The following MYOM1 variants were observed in gnomAD, a reference collection of about 807,000 sequenced individuals.
The protein encoded by MYOM1 is myomesin 1.
Under a neutral mutation model 205.3 loss-of-function variants are expected in MYOM1, and 164 were observed. The ratio of observed to expected loss-of-function variants is 0.80; its 90% confidence interval spans 0.70 to 0.91. The LOEUF (loss-of-function observed/expected upper bound fraction) is 0.91, where lower values mean the gene tolerates loss of function less well. Among genes scored for constraint, MYOM1 ranks in the 40% least tolerant of loss-of-function variants. The pLI is 0.00. For missense variants in MYOM1, 2,011 were observed against 2,127.3 expected, an observed-to-expected ratio of 0.95 and a Z score of 1.08; for synonymous variants, 772 against 789.4, an observed-to-expected ratio of 0.98 and a Z score of 0.37.
chr18:3,118,222 C>T (rs1255563268), intron 20 of MYOM1, among the ~76,000 whole-genome samples: 2 of 152,202 alleles, frequency 1.3e-5, no homozygotes, highest in East Asian at 1.9e-4. Flanking sequence ...GTGAGACTTG[C>T]TTTACACTAC....
chr18:3,159,321 C>T (rs1366641493), intron 10 of MYOM1, among the ~76,000 whole-genome samples: 3 of 152,142 alleles, frequency 2.0e-5, no homozygotes, highest in South Asian at 2.1e-4. Context: ...ATACACTGAT[C>T]GTTCTGGTGT....
chr18:3,229,724 C>G, the MYOM1 span, among the ~76,000 whole-genome samples: 2 of 152,254 alleles, frequency 1.3e-5, no homozygotes. Context: ...AATCCCAGCA[C>G]TTTGGGAGGT....
intron 36 of MYOM1, 86 bp from the exon 37 acceptor site, chr18:3,071,975 C>A: frequency 8.6e-7 from 1 of 1,165,204 alleles, no homozygotes; most frequent in South Asian, 1.3e-5. Flanking sequence ...GCTACATTTC[C>A]AATTTAGTTT....
chr18:3,121,780 A>C (rs1196600145), intron 19 of MYOM1, among the ~76,000 whole-genome samples: 1 of 152,220 alleles, frequency 6.6e-6, no homozygotes, highest in Non-Finnish European at 1.5e-5. Flanking sequence ...AAATTGAACA[A>C]CTTTTAAAAA....
At chr18:3,122,914 A>G (rs773583143) in intron 19 of MYOM1, among the ~76,000 whole-genome samples, 6 of 152,248 alleles carry the variant, frequency 3.9e-5, no homozygotes, top group Non-Finnish European at 8.8e-5. Flanking sequence ...CACACAATAC[A>G]GTATTTAATG....
At chr18:3,226,971 G>T in the MYOM1 span, among the ~76,000 whole-genome samples, 2,035 of 152,300 alleles carry the variant, frequency 0.013, 20 homozygotes, top group Middle Eastern at 0.027. The surrounding 1 kb of genome is among the most constrained non-coding windows in gnomAD (Gnocchi z 4.6). Context: ...GAGCTGGTGG[G>T]TAGATTCTGG....
At chr18:3,136,485 G>C (rs1380974519) in intron 14 of MYOM1, among the ~76,000 whole-genome samples, 1 of 151,944 alleles carries the variant, frequency 6.6e-6, no homozygotes, top group Admixed American at 6.6e-5. Flanking sequence ...GAGTACAGTG[G>C]CACAATCACG....
Position 3,141,982 on chromosome 18 carries a change from G to C in MYOM1, c.1982C>G (p.Pro661Arg). The change falls in exon 14 of 38, where the codon CCT (proline) becomes CGT (arginine). Residue 661 changes from proline (P) to arginine (R), a missense_variant. Transcript: ENST00000356443. ...RSYVVLSWKP[P>R]GQRGHEGIMY... The stretch of plus-strand genomic sequence containing the variant: ...AATGCCCTCATGACCACGCTGGCCA[G>C]GGGGCTTCCAGCTGAGCACCACATA... 6.2e-7 allele frequency: 1 copy of C among 1,613,754 alleles called. No individual in the cohort carries two copies. Among genetic ancestry groups the C allele is most frequent in the Non-Finnish European group, 8.5e-7 (1 of 1,179,780 alleles).
At chr18:3,142,156 G>A in intron 13 of MYOM1, 93 bp from the exon 14 acceptor site, 1 of 1,418,342 alleles carries the variant, frequency 7.1e-7, no homozygotes, top group East Asian at 2.3e-5. Context: ...CTGAGGAAGA[G>A]TTAATTATGT....
intron 18 of MYOM1, among the ~76,000 whole-genome samples, chr18:3,128,672 G>C (rs907598597): frequency 6.6e-6 from 1 of 151,642 alleles, no homozygotes; most frequent in Non-Finnish European, 1.5e-5. Flanking sequence ...TATTATTTTA[G>C]AAATTTTTAA....
intron 33 of MYOM1, among the ~76,000 whole-genome samples, chr18:3,083,412 TTTCTTTTTC>T (rs372567812): frequency 1.1e-5 from 1 of 93,230 alleles, no homozygotes; most frequent in African/African-American, 4.3e-5. Context: ...TCTTTTCTTT[TTTCTTTTTC>T]TTTTTCTTTT....
intron 19 of MYOM1, among the ~76,000 whole-genome samples, chr18:3,125,998 G>A (rs903225903): frequency 1.3e-5 from 2 of 152,214 alleles, no homozygotes; most frequent in African/African-American, 4.8e-5. Context: ...GCCGGCCGCG[G>A]TGGCTCATGC....
intron 5 of MYOM1, among the ~76,000 whole-genome samples, chr18:3,183,500 T>C (rs539341814): frequency 1.3e-5 from 2 of 152,168 alleles, no homozygotes; most frequent in Non-Finnish European, 2.9e-5. Flanking sequence ...CAGTGGAAAC[T>C]GGTTGGTTGG....
chr18:3,207,603 C>T (rs2081140098), intron 2 of MYOM1, among the ~76,000 whole-genome samples: 1 of 152,196 alleles, frequency 6.6e-6, no homozygotes, highest in African/African-American at 2.4e-5. Flanking sequence ...CTGTGGGAAA[C>T]CTCAAGCCTG....
intron 10 of MYOM1, among the ~76,000 whole-genome samples, chr18:3,156,613 T>TTC (rs2080305109): frequency 2.6e-5 from 4 of 151,666 alleles, no homozygotes; most frequent in Admixed American, 6.6e-5. Context: ...TCTTTCTTTT[T>TTC]TTTTTTTTTT....
rs757018850 is a variant in MYOM1 at position 3,215,220 on chromosome 18, A to AT, written c.3_4insA (p.Ser2IlefsTer13). 1.9e-6 allele frequency: 3 copies of AT among 1,608,864 alleles called. No homozygotes were observed. In the African/African-American group the frequency reaches 4.0e-5, roughly 21 times the overall value. Reference sequence around the variant, plus strand: ...TGGCACCTCTGATAAAAAGGCAAAGACATCCTGTGCCCCTTGAAGGAACCG... The same window carrying AT: ...TGGCACCTCTGATAAAAAGGCAAAGATCATCCTGTGCCCCTTGAAGGAACCG... On this transcript the variant is annotated frameshift_variant, in exon 2 of 38. Coordinates refer to ENST00000356443, the MANE Select transcript of MYOM1 (RefSeq NM_003803.4). LOFTEE classifies it high-confidence loss of function.
intron 5 of MYOM1, among the ~76,000 whole-genome samples, chr18:3,186,817 AAAG>A (rs1218248761): frequency 2.0e-5 from 3 of 150,300 alleles, no homozygotes; most frequent in African/African-American, 4.9e-5. Flanking sequence ...AGAAAGAAAG[AAAG>A]AAAGAGAAAG....
rs1363585852 is a variant in MYOM1 at position 3,100,219 on chromosome 18, GA to G, written c.3683-17del. The G allele has an allele frequency of 6.2e-7, 1 of 1,613,952 alleles. No individual in the cohort carries two copies. Among genetic ancestry groups the G allele is most frequent in the Non-Finnish European group, 8.5e-7 (1 of 1,179,854 alleles). On this transcript the variant is annotated splice_polypyrimidine_tract_variant and intron_variant, in intron 24 of 37. Coordinates refer to ENST00000356443, the MANE Select transcript of MYOM1 (RefSeq NM_003803.4). ...CGTTTCAATTCTGTAGGGGGAAAAA[GA>G]AGGCAGTTAAACCTTAAACTACTAA...
At chr18:3,229,591 A>G in the MYOM1 span, among the ~76,000 whole-genome samples, 1 of 152,222 alleles carries the variant, frequency 6.6e-6, no homozygotes, top group Non-Finnish European at 1.5e-5. Context: ...GTATAATGTC[A>G]TCAACCAAAT....
Sources: allele counts gnomAD v4.1 joint callset (sites outside exome capture counted in the v4.1 genomes callset), GRCh38; gene constraint gnomAD v4.1.1; non-coding constraint Gnocchi (gnomAD v3.1); transcripts MANE v1.5; gene names NCBI Gene and HGNC (gene_info 2026-07-23, HGNC 2026-07-21).